SPADH: variants seen among roughly 807,000 people sequenced by gnomAD.
The protein encoded by SPADH is spermadhesin family member, also known as CUB domain-containing protein.
the SPADH span, chr10:122,679,032 C>T: frequency 3.0e-6 from 3 of 984,822 alleles, no homozygotes; most frequent in Non-Finnish European, 3.6e-6. Flanking sequence ...TTTGTTGACG[C>T]TTGGTCAACA....
chr10:122,679,023 T>C, the SPADH span: 9 of 985,306 alleles, frequency 9.1e-6, no homozygotes, highest in Non-Finnish European at 1.1e-5. Flanking sequence ...ATATATTACT[T>C]TGTTGACGCT....
the SPADH span, chr10:122,676,716 G>A: frequency 3.0e-6 from 3 of 985,362 alleles, no homozygotes; most frequent in Non-Finnish European, 3.6e-6. Context: ...CAGACCTAGA[G>A]CATCCCTGCA....
the SPADH span, among the ~76,000 whole-genome samples, chr10:122,679,230 A>G: frequency 6.6e-6 from 1 of 152,160 alleles, no homozygotes. Flanking sequence ...AGAAAAAGGT[A>G]CGGGTTCTGT....
the SPADH span, chr10:122,676,642 C>T: frequency 1.2e-6 from 1 of 857,644 alleles, no homozygotes; most frequent in Non-Finnish European, 1.4e-6. Context: ...AATTTTCTTC[C>T]CAAGGATGGG....
At chr10:122,678,927 C>T in the SPADH span, 9 of 984,116 alleles carry the variant, frequency 9.1e-6, no homozygotes, top group Non-Finnish European at 1.1e-5. Flanking sequence ...ATTTGTAAAG[C>T]CTTCAGTACA....
At chr10:122,675,319 T>A in the SPADH span, among the ~76,000 whole-genome samples, 1 of 152,180 alleles carries the variant, frequency 6.6e-6, no homozygotes, top group East Asian at 1.9e-4. Flanking sequence ...TTTCTGACCA[T>A]GGCTCCAGAG....
chr10:122,674,776 T>C, the SPADH span, among the ~76,000 whole-genome samples: 11 of 152,334 alleles, frequency 7.2e-5, no homozygotes, highest in South Asian at 2.1e-3. Context: ...TGCTGGGCAT[T>C]GGGCCATGGG....
the SPADH span, chr10:122,679,142 G>A: frequency 1.1e-5 from 4 of 377,244 alleles, no homozygotes; most frequent in Admixed American, 1.3e-4. Flanking sequence ...ACCTGGGACT[G>A]CAGAAATAAG....
At chr10:122,675,170 AAGG>A in the SPADH span, among the ~76,000 whole-genome samples, 1 of 152,238 alleles carries the variant, frequency 6.6e-6, no homozygotes, top group African/African-American at 2.4e-5. Flanking sequence ...TAGAATTTAC[AAGG>A]AGAAGTGTTT....
At chr10:122,672,883 T>C in the SPADH span, 1 of 985,452 alleles carries the variant, frequency 1.0e-6, no homozygotes, top group Non-Finnish European at 1.2e-6. Context: ...CTGCTGAGGA[T>C]GAGGCTGTCC....
chr10:122,674,789 C>T, the SPADH span, among the ~76,000 whole-genome samples: 3 of 152,186 alleles, frequency 2.0e-5, no homozygotes, highest in African/African-American at 7.2e-5. Flanking sequence ...GCCATGGGCT[C>T]GTGCACCCAG....
chr10:122,674,336 G>A, the SPADH span, among the ~76,000 whole-genome samples: 138 of 152,346 alleles, frequency 9.1e-4, no homozygotes, highest in African/African-American at 3.2e-3. Flanking sequence ...CTGAAAGCTT[G>A]TGTGGTTAGT....
At chr10:122,678,998 C>T in the SPADH span, 1 of 985,298 alleles carries the variant, frequency 1.0e-6, no homozygotes. Flanking sequence ...CAGTCATCCA[C>T]CCACCTTCTT....
chr10:122,673,645 CT>C, the SPADH span, among the ~76,000 whole-genome samples: 1 of 152,230 alleles, frequency 6.6e-6, no homozygotes, highest in Non-Finnish European at 1.5e-5. Context: ...CTCTCTTCCC[CT>C]GGCTTCCTGT....
At chr10:122,675,156 G>A in the SPADH span, among the ~76,000 whole-genome samples, 4 of 152,208 alleles carry the variant, frequency 2.6e-5, no homozygotes, top group Admixed American at 2.0e-4. Flanking sequence ...CACTGGTTTT[G>A]TTATAGAATT....
chr10:122,674,845 T>C, the SPADH span, among the ~76,000 whole-genome samples: 2 of 152,320 alleles, frequency 1.3e-5, no homozygotes, highest in Admixed American at 1.3e-4. Context: ...ATTGTATAGA[T>C]GAGTGACTGA....
the SPADH span, among the ~76,000 whole-genome samples, chr10:122,676,108 G>A: frequency 2.6e-5 from 4 of 152,294 alleles, no homozygotes; most frequent in East Asian, 3.9e-4. Context: ...CTCTTCCTAC[G>A]AGCTTCTCCG....
At chr10:122,673,381 C>G in the SPADH span, among the ~76,000 whole-genome samples, 2 of 152,122 alleles carry the variant, frequency 1.3e-5, no homozygotes. Context: ...CTTGGGGGAG[C>G]CCACAGCAGG....
chr10:122,672,932 C>T, the SPADH span: 15 of 985,428 alleles, frequency 1.5e-5, no homozygotes, highest in East Asian at 3.4e-4. Context: ...GTATAGGTAA[C>T]GCATGGCCCC....
Sources: allele counts gnomAD v4.1 joint callset (sites outside exome capture counted in the v4.1 genomes callset), GRCh38; gene constraint gnomAD v4.1.1; transcripts MANE v1.5; gene names NCBI Gene and HGNC (gene_info 2026-07-23, HGNC 2026-07-21).